GLDC: variants seen among roughly 807,000 people sequenced by gnomAD.
GLDC encodes glycine decarboxylase, also known as glycine dehydrogenase (decarboxylating), mitochondrial.
A neutral mutation model predicts 121.3 loss-of-function variants in GLDC; 104 were observed. That is an observed-to-expected ratio of 0.86 (90% CI 0.73 to 1.01). The LOEUF (loss-of-function observed/expected upper bound fraction) is 1.01, where lower values mean the gene tolerates loss of function less well. Among genes scored for constraint, GLDC ranks in the 50% least tolerant of loss-of-function variants. The pLI is 0.00. For synonymous variants in GLDC, 546 were observed against 480.6 expected, an observed-to-expected ratio of 1.14 and a Z score of -1.78; for missense variants, 1,429 against 1,306.6, an observed-to-expected ratio of 1.09 and a Z score of -1.44.
At chr9:6,610,088 T>TAG in intron 4 of GLDC, 104 bp downstream of exon 4, 1 of 911,064 alleles carries the variant, frequency 1.1e-6, no homozygotes, top group Non-Finnish European at 1.7e-6. Flanking sequence ...AGTCATACTC[T>TAG]AGAAAGCTGA....
chr9:6,555,831 C>T (rs1563835619), intron 18 of GLDC, among the ~76,000 whole-genome samples: 1 of 151,986 alleles, frequency 6.6e-6, no homozygotes, highest in Non-Finnish European at 1.5e-5. Context: ...AAAGCAAACA[C>T]CAATAAGAGT....
chr9:6,612,238 T>TTCTC (rs748149263), intron 3 of GLDC, among the ~76,000 whole-genome samples: 3 of 136,148 alleles, frequency 2.2e-5, no homozygotes, highest in Non-Finnish European at 4.6e-5. Flanking sequence ...CACACACTCT[T>TTCTC]TCTCTCTCTC....
At chr9:6,628,995 A>C (rs565444551) in intron 2 of GLDC, among the ~76,000 whole-genome samples, 3 of 152,082 alleles carry the variant, frequency 2.0e-5, no homozygotes, top group African/African-American at 7.2e-5. Context: ...GCCTCTAGGC[A>C]TCACTTCCTA....
intron 7 of GLDC, among the ~76,000 whole-genome samples, 172 bp from the exon 8 acceptor site, chr9:6,602,377 A>ATTTTT (rs879833847): frequency 7.0e-6 from 1 of 142,376 alleles, no homozygotes; most frequent in African/African-American, 2.6e-5. Flanking sequence ...ATGATTACTG[A>ATTTTT]TTTTTTTTTT....
chr9:6,627,442 C>T (rs1479820863), intron 2 of GLDC, among the ~76,000 whole-genome samples: 4 of 152,030 alleles, frequency 2.6e-5, no homozygotes, highest in African/African-American at 9.7e-5. Context: ...TATAGGACCA[C>T]CCAAACTTCT....
At chr9:6,638,250 C>T (rs928023649) in intron 2 of GLDC, among the ~76,000 whole-genome samples, 5 of 151,742 alleles carry the variant, frequency 3.3e-5, no homozygotes, top group African/African-American at 1.2e-4. Context: ...CTCACTGTCG[C>T]CCAGGCTGGA....
intron 16 of GLDC, among the ~76,000 whole-genome samples, chr9:6,564,607 G>A (rs552238473): frequency 2.0e-5 from 3 of 152,272 alleles, no homozygotes; most frequent in South Asian, 2.1e-4. Context: ...AAGGACTTCC[G>A]CCCCACAGCT....
chr9:6,604,594 A>AC lies in GLDC; in HGVS notation c.1051dup (p.Val351GlyfsTer59). 1 of 1,611,574 alleles carries AC rather than the reference A, an allele frequency of 6.2e-7. No homozygotes were observed. The highest frequency in any genetic ancestry group is 8.5e-7 in the Non-Finnish European group (1 of 1,179,298). ...GAAACATGAGCCCCTTTACCTTGTT[A>AC]CCCCCACCATTCTTCCAGGCATCAT... On this transcript the variant is annotated frameshift_variant, in exon 7 of 25. Transcript: ENST00000321612. LOFTEE classifies it high-confidence loss of function.
At chr9:6,538,074 T>C (rs1817174280) in intron 22 of GLDC, among the ~76,000 whole-genome samples, 1 of 152,150 alleles carries the variant, frequency 6.6e-6, no homozygotes, top group Non-Finnish European at 1.5e-5. Context: ...TGAGTTTTGG[T>C]AAATGCATAC....
intron 2 of GLDC, among the ~76,000 whole-genome samples, chr9:6,620,910 G>A (rs1047814732): frequency 6.6e-6 from 1 of 152,198 alleles, no homozygotes; most frequent in Non-Finnish European, 1.5e-5. Flanking sequence ...GCTCACACCT[G>A]CAATCCCAGC....
intron 24 of GLDC, chr9:6,533,934 T>C (rs1290881175): frequency 1.3e-5 from 2 of 151,674 alleles, no homozygotes; most frequent in African/African-American, 2.4e-5. Flanking sequence ...AAGCATCAGC[T>C]GGGCGTGATG....
chr9:6,563,178 C>T (rs182344320), intron 16 of GLDC, among the ~76,000 whole-genome samples: 268 of 152,360 alleles, frequency 1.8e-3, no homozygotes, highest in Non-Finnish European at 2.9e-3. Flanking sequence ...CCAGGCCAAA[C>T]CCAAAGGCCT....
chr9:6,576,392 C>A (rs184787553), intron 15 of GLDC, among the ~76,000 whole-genome samples: 59 of 152,248 alleles, frequency 3.9e-4, no homozygotes, highest in Middle Eastern at 3.4e-3. Context: ...GATTGTACAA[C>A]CCTCATGACC....
chr9:6,606,552 G>C (rs558182780), intron 5 of GLDC, 40 bp downstream of exon 5: 24 of 1,108,850 alleles, frequency 2.2e-5, no homozygotes, highest in South Asian at 1.7e-4. Flanking sequence ...AGATGAACAT[G>C]ACATTATACT....
intron 5 of GLDC, among the ~76,000 whole-genome samples, chr9:6,606,389 A>G: frequency 6.6e-6 from 1 of 151,888 alleles, no homozygotes; most frequent in Non-Finnish European, 1.5e-5. Flanking sequence ...GTATTTCCCC[A>G]CTCAATTCTG....
intron 2 of GLDC, chr9:6,639,669 G>GTATGTATATATATATATATA (rs1819588654): frequency 4.7e-6 from 1 of 212,444 alleles, no homozygotes; most frequent in Non-Finnish European, 8.1e-6. Context: ...TAAAAAAAAA[G>GTATGTATATATATATATATA]TATATATATA....
intron 2 of GLDC, among the ~76,000 whole-genome samples, chr9:6,623,999 AAC>A (rs1294050605): frequency 6.6e-6 from 1 of 152,210 alleles, no homozygotes; most frequent in Non-Finnish European, 1.5e-5. Flanking sequence ...CTCCAATGAC[AAC>A]AGTCTGTGAA....
intron 3 of GLDC, among the ~76,000 whole-genome samples, chr9:6,619,122 AAC>A (rs1212928607): frequency 7.1e-6 from 1 of 140,334 alleles, no homozygotes; most frequent in Non-Finnish European, 1.5e-5. Context: ...CAGCCTGGGC[AAC>A]AGAGTGAGAC....
At chr9:6,636,271 T>C (rs1475443065) in intron 2 of GLDC, among the ~76,000 whole-genome samples, 1 of 149,572 alleles carries the variant, frequency 6.7e-6, no homozygotes, top group Non-Finnish European at 1.5e-5. Context: ...GCCACTGTAC[T>C]CCAGCCTGGG....
Sources: gnomAD v4.1 joint callset for allele counts (sites outside exome capture counted in the v4.1 genomes callset) on GRCh38, gnomAD v4.1.1 for gene constraint, MANE v1.5 for transcripts, NCBI Gene and HGNC (gene_info 2026-07-23, HGNC 2026-07-21) for gene names.